The following TTC28 variants were observed in gnomAD, a reference collection of about 807,000 sequenced individuals.
TTC28 encodes the protein tetratricopeptide repeat domain 28, also known as tetratricopeptide repeat protein 28.
TTC28 carries 61 observed loss-of-function variants against 198.0 expected under a neutral mutation model. The ratio of observed to expected loss-of-function variants is 0.31; its 90% confidence interval spans 0.25 to 0.38. The LOEUF (loss-of-function observed/expected upper bound fraction) is 0.38. Ranked by LOEUF, TTC28 falls within the 10% of genes least tolerant of loss-of-function variation. The probability of loss-of-function intolerance (pLI) is 1.00; values close to 1 mark genes in which losing one functional copy is unlikely to be tolerated. For synonymous variants in TTC28, 1,171 were observed against 1,297.8 expected, an observed-to-expected ratio of 0.90 and a Z score of 2.10; for missense variants, 2,678 against 3,164.0, an observed-to-expected ratio of 0.85 and a Z score of 3.69.
intron 5 of TTC28, among the ~76,000 whole-genome samples, chr22:28,216,894 A>T (rs1243432099): frequency 6.6e-6 from 1 of 151,774 alleles, no homozygotes; most frequent in Non-Finnish European, 1.5e-5. Flanking sequence ...GCAATTTTTT[A>T]TTTTTTGTAG....
intron 3 of TTC28, among the ~76,000 whole-genome samples, chr22:28,304,284 CAA>C (rs751847882): frequency 1.1e-4 from 13 of 113,344 alleles, no homozygotes; most frequent in Admixed American, 2.8e-4. Flanking sequence ...GACTCCATCT[CAA>C]AAAAAAAAAA....
chr22:28,430,583 A>G (rs774706793), intron 2 of TTC28, among the ~76,000 whole-genome samples: 13 of 152,240 alleles, frequency 8.5e-5, no homozygotes, highest in Non-Finnish European at 1.8e-4. Flanking sequence ...CTTATGCATG[A>G]AACAATGAGC....
At chr22:28,197,972 A>G (rs79020265) in intron 5 of TTC28, among the ~76,000 whole-genome samples, 3 of 152,126 alleles carry the variant, frequency 2.0e-5, no homozygotes, top group Admixed American at 2.0e-4. Flanking sequence ...TTCAAACAGC[A>G]AAGTGCAAAA....
chr22:28,309,295 AT>A (rs1468854635), intron 2 of TTC28, among the ~76,000 whole-genome samples: 1 of 152,216 alleles, frequency 6.6e-6, no homozygotes, highest in Non-Finnish European at 1.5e-5. Flanking sequence ...TCACTGTCTC[AT>A]TCATTCTTTC....
chr22:28,576,346 T>C (rs953558126), intron 2 of TTC28, among the ~76,000 whole-genome samples: 2 of 152,100 alleles, frequency 1.3e-5, no homozygotes, highest in Non-Finnish European at 2.9e-5. Flanking sequence ...CACTTCATCA[T>C]AATGATCTTT....
intron 1 of TTC28, among the ~76,000 whole-genome samples, chr22:28,654,495 T>C (rs1601668649): frequency 6.6e-6 from 1 of 151,998 alleles, no homozygotes; most frequent in African/African-American, 2.4e-5. Flanking sequence ...GCCCAGCTAA[T>C]TTTTGTATTT....
chr22:28,007,105 T>C (rs1937958921), intron 14 of TTC28: 2 of 152,194 alleles, frequency 1.3e-5, no homozygotes, highest in South Asian at 4.1e-4. Context: ...TGGACTTTAC[T>C]GTCTACAATA....
At chr22:28,071,756 AAAAAAAAAAG>A (rs1940984543) in intron 12 of TTC28, among the ~76,000 whole-genome samples, 1 of 151,234 alleles carries the variant, frequency 6.6e-6, no homozygotes, top group African/African-American at 2.4e-5. Context: ...AGGAAAAAAA[AAAAAAAAAAG>A]AAAAACACAA....
intron 13 of TTC28, among the ~76,000 whole-genome samples, chr22:28,027,783 G>C (rs1349255751): frequency 2.6e-5 from 4 of 152,248 alleles, no homozygotes; most frequent in African/African-American, 9.6e-5. Context: ...CAGAGAGGGA[G>C]GCCTGGGACC....
At chr22:28,615,367 C>T (rs1343995680) in intron 2 of TTC28, among the ~76,000 whole-genome samples, 1 of 152,146 alleles carries the variant, frequency 6.6e-6, no homozygotes, top group Non-Finnish European at 1.5e-5. Context: ...TAAACTAGTT[C>T]AACCATTTTG....
In TTC28 at chr22:28,378,461, A is replaced by G. The variant is rs773094604; in HGVS notation, c.382-71818T>C. On this transcript the variant is annotated intron_variant, in intron 2 of 22. Coordinates refer to ENST00000397906, the MANE Select transcript of TTC28 (RefSeq NM_001145418.2). The stretch of plus-strand genomic sequence containing the variant: ...GGATCTTTGAGCCCAGGAGTTTGAG[A>G]CCAGCCTGGGCAACATAGGGAGACC... 1.1e-4 allele frequency among the ~76,000 whole-genome samples: 17 copies of G among 151,470 alleles called. No individual in the cohort carries two copies. In the South Asian group the frequency reaches 1.5e-3, roughly 13 times the overall value.
chr22:28,470,180 C>A lies in TTC28; in HGVS notation c.381+159372G>T, dbSNP rs570914778. Among the ~76,000 whole-genome samples the A allele has an allele frequency of 2.4e-4, 36 of 152,206 alleles. 1 individual carries two copies. In the South Asian group the frequency reaches 7.5e-3, roughly 32 times the overall value. ...GAAGAATAAATCTAAATTGTTTAAG[C>A]CATTAACTATGTGGTAATTTATTAC... On this transcript the variant is annotated intron_variant, in intron 2 of 22. Coordinates refer to ENST00000397906, the MANE Select transcript of TTC28 (RefSeq NM_001145418.2).
In TTC28 at chr22:28,376,490, A is replaced by G. The variant is rs563712010; in HGVS notation, c.382-69847T>C. ...TCTGGCAAGATGGAGTAACAGGGCAAGATTAACATACCTAATAACTTAAAC... is the reference window on the plus strand; with the variant it reads ...TCTGGCAAGATGGAGTAACAGGGCAGGATTAACATACCTAATAACTTAAAC... On this transcript the variant is annotated intron_variant, in intron 2 of 22. Coordinates refer to ENST00000397906, the MANE Select transcript of TTC28 (RefSeq NM_001145418.2). Among the ~76,000 whole-genome samples the G allele has an allele frequency of 1.3e-4, 20 of 152,346 alleles. No individual in the cohort carries two copies. The South Asian group carries it at 3.7e-3, about 28-fold the overall frequency.
chr22:28,033,640 C>A (rs1020137167), intron 12 of TTC28, among the ~76,000 whole-genome samples: 2 of 152,208 alleles, frequency 1.3e-5, no homozygotes, highest in African/African-American at 2.4e-5. Context: ...TATCTCTGTT[C>A]AAATTATTGT....
chr22:27,985,586 G>T, intron 21 of TTC28: 1 of 414,274 alleles, frequency 2.4e-6, no homozygotes, highest in Non-Finnish European at 4.6e-6. Context: ...TGGCGTGTGT[G>T]TGGCTCTCAC....
At chr22:28,563,028 C>A (rs2049913383) in intron 2 of TTC28, among the ~76,000 whole-genome samples, 1 of 152,046 alleles carries the variant, frequency 6.6e-6, no homozygotes, top group Admixed American at 6.6e-5. Context: ...GAGGGTGAGG[C>A]AGGAGGGTCG....
chr22:28,166,589 A>C (rs887759054), intron 5 of TTC28, among the ~76,000 whole-genome samples: 1 of 152,236 alleles, frequency 6.6e-6, no homozygotes, highest in Non-Finnish European at 1.5e-5. Context: ...ACATAACGAA[A>C]TGAAGGCAGA....
At chr22:28,357,058 A>G (rs1335766458) in intron 2 of TTC28, among the ~76,000 whole-genome samples, 1 of 152,174 alleles carries the variant, frequency 6.6e-6, no homozygotes, top group African/African-American at 2.4e-5. Flanking sequence ...TAGTCTCACA[A>G]TAAATCTATA....
At chr22:28,210,340 C>A (rs1029656320) in intron 5 of TTC28, among the ~76,000 whole-genome samples, 7 of 152,202 alleles carry the variant, frequency 4.6e-5, no homozygotes, top group South Asian at 2.1e-4. Context: ...TAATAACAAA[C>A]TTCTCCAAAC....
Sources: gnomAD v4.1 joint callset for allele counts (sites outside exome capture counted in the v4.1 genomes callset) on GRCh38, gnomAD v4.1.1 for gene constraint, MANE v1.5 for transcripts, NCBI Gene and HGNC (gene_info 2026-07-23, HGNC 2026-07-21) for gene names.